MYO16: variants seen among roughly 807,000 people sequenced by gnomAD.
MYO16 encodes unconventional myosin-XVI.
A neutral mutation model predicts 205.3 loss-of-function variants in MYO16; 94 were observed. The ratio of observed to expected loss-of-function variants is 0.46; its 90% confidence interval spans 0.39 to 0.54. MYO16 has a LOEUF of 0.54. Among genes scored for constraint, MYO16 ranks in the 20% least tolerant of loss-of-function variants. The probability of loss-of-function intolerance (pLI) is 0.00; values close to 1 mark genes in which losing one functional copy is unlikely to be tolerated. For missense variants in MYO16, 2,315 were observed against 2,387.5 expected, an observed-to-expected ratio of 0.97 and a Z score of 0.63; for synonymous variants, 988 against 954.0, an observed-to-expected ratio of 1.04 and a Z score of -0.66.
intron 4 of MYO16, among the ~76,000 whole-genome samples, chr13:108,775,582 A>G (rs113891562): frequency 1.2e-3 from 176 of 152,172 alleles, no homozygotes; most frequent in African/African-American, 3.9e-3. Context: ...CTCGTGGGTC[A>G]TATCACCTTT....
At chr13:109,186,932 G>C (rs1879713456) in intron 34 of MYO16, among the ~76,000 whole-genome samples, 1 of 152,164 alleles carries the variant, frequency 6.6e-6, no homozygotes, top group South Asian at 2.1e-4. Context: ...ATTTTCAACT[G>C]TAGTGGTTAT....
At chr13:108,587,203 G>A in the MYO16 span, among the ~76,000 whole-genome samples, 1 of 152,210 alleles carries the variant, frequency 6.6e-6, no homozygotes, top group African/African-American at 2.4e-5. Flanking sequence ...CAGGAAGCAA[G>A]TGGTCAGTTA....
chr13:108,923,257 G>A (rs1470599525), intron 16 of MYO16, among the ~76,000 whole-genome samples: 1 of 152,182 alleles, frequency 6.6e-6, no homozygotes, highest in Non-Finnish European at 1.5e-5. Flanking sequence ...GCAAGATGCG[G>A]GATGACCTCA....
At chr13:108,681,108 A>C (rs1192293103) in intron 2 of MYO16, among the ~76,000 whole-genome samples, 1 of 152,228 alleles carries the variant, frequency 6.6e-6, no homozygotes, top group Non-Finnish European at 1.5e-5. Flanking sequence ...ATTTATGTCT[A>C]ACGTGAATGT....
intron 23 of MYO16, among the ~76,000 whole-genome samples, chr13:109,035,344 A>G (rs1002790638): frequency 4.6e-5 from 7 of 152,102 alleles, no homozygotes. Context: ...ATACGTCAAT[A>G]TCTGCTCTAA....
At chr13:108,635,234 C>T (rs190736495) in intron 1 of MYO16, among the ~76,000 whole-genome samples, 60 of 152,286 alleles carry the variant, frequency 3.9e-4, no homozygotes, top group Non-Finnish European at 6.6e-4. Flanking sequence ...GGACTCGCAT[C>T]ACTGCACCTC....
At position 108,651,176 on chromosome 13, in the gene MYO16, C is replaced by T. The variant is rs79227540; in HGVS notation, c.29-14710C>T. Among the ~76,000 whole-genome samples, 1,081 of 152,194 alleles carry T rather than the reference C, an allele frequency of 7.1e-3. 8 individuals carry two copies. Among genetic ancestry groups the T allele is most frequent in the Non-Finnish European group, 0.011 (724 of 68,008 alleles). On this transcript the variant is annotated intron_variant, in intron 1 of 34. Transcript: ENST00000457511. ...GGCTGGTCTCTGCAGGGAACCTGGC[C>T]GGTGGGTGCCCTGCAGCACTCTGTG...
intron 4 of MYO16, among the ~76,000 whole-genome samples, chr13:108,728,227 T>G (rs919411396): frequency 1.3e-5 from 2 of 152,342 alleles, no homozygotes; most frequent in Admixed American, 6.5e-5. Flanking sequence ...ATTAACTTCT[T>G]AATGCCTTGC....
chr13:108,758,071 C>T (rs201810141), intron 4 of MYO16, among the ~76,000 whole-genome samples: 1 of 152,110 alleles, frequency 6.6e-6, no homozygotes, highest in East Asian at 1.9e-4. Flanking sequence ...GCTAGCTGGC[C>T]CCTTCTGCCA....
chr13:108,497,491 C>G, the MYO16 span, among the ~76,000 whole-genome samples: 1 of 152,130 alleles, frequency 6.6e-6, no homozygotes, highest in African/African-American at 2.4e-5. Context: ...GCATTATAGA[C>G]AGCATATGTT....
upstream of MYO16, among the ~76,000 whole-genome samples, chr13:108,626,661 G>A (rs191325485): frequency 5.1e-3 from 773 of 151,824 alleles, 4 homozygotes; most frequent in Admixed American, 0.011. Context: ...AAAATTAGCT[G>A]GGCATGGTAG....
chr13:108,618,291 A>T (rs928928583), intron 1 of MYO16, among the ~76,000 whole-genome samples: 2 of 152,130 alleles, frequency 1.3e-5, no homozygotes, highest in African/African-American at 4.8e-5. Context: ...CTCTCCCAAG[A>T]TTCTATGGAA....
At chr13:108,776,218 ATC>A (rs1478951071) in intron 4 of MYO16, among the ~76,000 whole-genome samples, 1 of 152,210 alleles carries the variant, frequency 6.6e-6, no homozygotes, top group Non-Finnish European at 1.5e-5. Context: ...CATGGGAAGA[ATC>A]TGTTTTTATT....
chr13:109,030,915 A>C lies in MYO16; in HGVS notation c.2796+11004A>C, dbSNP rs1041202760. 2.0e-5 allele frequency among the ~76,000 whole-genome samples: 3 copies of C among 152,128 alleles called. No homozygotes were observed. The South Asian group carries it at 6.2e-4, about 32-fold the overall frequency. On this transcript the variant is annotated intron_variant, in intron 23 of 34. Transcript: ENST00000457511. ...AAACCAGACACCCAATTAATTACCA[A>C]GTACAAGCTACTGTCTTTCTTATTT...
intron 19 of MYO16, among the ~76,000 whole-genome samples, chr13:108,963,394 CT>C (rs1883661010): frequency 6.6e-6 from 1 of 152,136 alleles, no homozygotes; most frequent in African/African-American, 2.4e-5. Context: ...CTTGATAGCT[CT>C]TTCTCTTCTA....
At chr13:108,739,636 G>A (rs1346347577) in intron 4 of MYO16, among the ~76,000 whole-genome samples, 1 of 152,132 alleles carries the variant, frequency 6.6e-6, no homozygotes, top group South Asian at 2.1e-4. Context: ...TTCTCGAGGA[G>A]TATCTCTGTG....
chr13:109,055,568 G>A lies in MYO16; in HGVS notation c.3308G>A (p.Arg1103His), dbSNP rs538653566. ...VKIFRYGYPV[R>H]LSFSDFLSRY... is the part of the protein sequence containing the mutation. ...ATCTTCCGATATGGATACCCTGTTCGCCTTTCCTTCTCGGATTTCCTGTCA... is the reference window on the plus strand; with the variant it reads ...ATCTTCCGATATGGATACCCTGTTCACCTTTCCTTCTCGGATTTCCTGTCA... Residue 1103 changes from arginine to histidine, a missense_variant, in exon 27 of 35, where the codon CGC (arginine) becomes CAC (histidine). This residue lies in a region of MYO16 where 1,097 missense variants were observed against 1,092.0 expected (regional missense o/e 1.00). Transcript: ENST00000457511. This position sits in a 1 kb window ranked among gnomAD's most constrained non-coding sequence, Gnocchi z 5.0. The A allele has an allele frequency of 6.2e-6, 10 of 1,611,614 alleles. No homozygotes were observed. The highest frequency in any genetic ancestry group is 4.5e-5 in the East Asian group (2 of 44,832).
intron 16 of MYO16, among the ~76,000 whole-genome samples, chr13:108,911,285 G>A (rs112209195): frequency 6.6e-6 from 1 of 152,084 alleles, no homozygotes; most frequent in African/African-American, 2.4e-5. Flanking sequence ...TTCTGGTTGG[G>A]GAGATATTAA....
intron 33 of MYO16, among the ~76,000 whole-genome samples, chr13:109,176,322 CTG>C (rs1879173126): frequency 6.6e-6 from 1 of 151,534 alleles, no homozygotes; most frequent in Admixed American, 6.6e-5. Flanking sequence ...TTTTTAATAT[CTG>C]GGATCTGTAG....
Sources: allele counts gnomAD v4.1 joint callset (sites outside exome capture counted in the v4.1 genomes callset), GRCh38; gene constraint gnomAD v4.1.1; regional missense constraint gnomAD v4.1.1; non-coding constraint Gnocchi (gnomAD v3.1); transcripts MANE v1.5; gene names NCBI Gene and HGNC (gene_info 2026-07-23, HGNC 2026-07-21).